Variants in ANKRD31 observed in about 807,000 individuals in gnomAD.
ANKRD31 encodes the protein ankyrin repeat domain 31, also known as ankyrin repeat domain-containing protein 31.
Under a neutral mutation model 186.0 loss-of-function variants are expected in ANKRD31, and 147 were observed. The ratio of observed to expected loss-of-function variants is 0.79; its 90% confidence interval spans 0.69 to 0.91. The LOEUF (loss-of-function observed/expected upper bound fraction) is 0.91, where lower values mean the gene tolerates loss of function less well. Ranked by LOEUF, ANKRD31 falls within the 40% of genes least tolerant of loss-of-function variation. ANKRD31 has a pLI of 0.00. For synonymous variants in ANKRD31, 673 were observed against 736.4 expected (o/e 0.91, Z 1.39); for missense variants, 1,986 against 2,148.8 (o/e 0.92, Z 1.50).
intron 7 of ANKRD31, 66 bp from the exon 8 acceptor site, chr5:75,193,657 T>A (rs2150246661): frequency 1.4e-6 from 2 of 1,423,374 alleles, no homozygotes; most frequent in East Asian, 2.5e-5. Flanking sequence ...CTATAAGAAG[T>A]TAAATTTTGT....
chr5:75,107,297 T>A (rs900533964), intron 21 of ANKRD31, among the ~76,000 whole-genome samples: 1 of 152,040 alleles, frequency 6.6e-6, no homozygotes, highest in Non-Finnish European at 1.5e-5. Flanking sequence ...CTTTTTAAGA[T>A]ACCGAAATGT....
At position 75,084,345 on chromosome 5, in the gene ANKRD31, C is replaced by T. The variant is rs373863312; in HGVS notation, c.5502G>A (p.Arg1834=). The T allele has an allele frequency of 4.3e-5, 66 of 1,536,928 alleles. No homozygotes were observed. In the African/African-American group the frequency reaches 8.4e-4, roughly 19 times the overall value. Residue 1834 remains arginine, a synonymous_variant, in exon 24 of 26, where the codon AGG becomes AGA. Transcript: ENST00000506364. ...GTATGGGTGCATCCTCAGAAACATA[C>T]CTTAAAAGCTCCTTCCCAAGATACG... ...KVTYLGKELL[R]YVSEDAPILP...
At chr5:75,139,342 C>T (rs1370634650) in intron 15 of ANKRD31, among the ~76,000 whole-genome samples, 3 of 152,122 alleles carry the variant, frequency 2.0e-5, no homozygotes, top group Middle Eastern at 3.2e-3. Context: ...TTTCTACAGC[C>T]ATTCTGTATC....
rs527757380 is a variant in ANKRD31, at chr5:75,199,539, G to T, written c.447+92C>A. On this transcript the variant is annotated intron_variant, in intron 6 of 25. Transcript: ENST00000506364. ...AAATGGTTTAGTAGATGAGGGTGAG[G>T]GTCTAAATGAGCTTGATACTTTAAT... 5.5e-4 allele frequency: 524 copies of T among 951,348 alleles called. 1 individual carries two copies. The highest frequency in any genetic ancestry group is 7.4e-4 in the Non-Finnish European group (490 of 662,108). The allele number at this position is 951,348 out of a possible 1,614,324, so 58.9% of individuals were successfully genotyped here.
chr5:75,187,019 CAGAGTGTG>C (rs1420656259), intron 10 of ANKRD31, among the ~76,000 whole-genome samples: 1 of 127,228 alleles, frequency 7.9e-6, no homozygotes, highest in African/African-American at 3.7e-5. Context: ...GTATGAGACA[CAGAGTGTG>C]TGTGTGTGTG....
intron 19 of ANKRD31, among the ~76,000 whole-genome samples, chr5:75,113,082 T>C (rs1747913126): frequency 6.6e-6 from 1 of 152,204 alleles, no homozygotes; most frequent in African/African-American, 2.4e-5. Context: ...TTGTCAGTAC[T>C]AATCTTCCTG....
chr5:75,227,369 C>T (rs1201035366), intron 2 of ANKRD31, among the ~76,000 whole-genome samples: 1 of 152,006 alleles, frequency 6.6e-6, no homozygotes, highest in Non-Finnish European at 1.5e-5. Context: ...GCTAGCACAA[C>T]AGAGTGAGTA....
chr5:75,226,050 T>C (rs763909860), intron 2 of ANKRD31, among the ~76,000 whole-genome samples: 4 of 152,166 alleles, frequency 2.6e-5, no homozygotes, highest in Non-Finnish European at 4.4e-5. Context: ...ATGGTAGTGA[T>C]GGCCATGGGG....
intron 3 of ANKRD31, among the ~76,000 whole-genome samples, chr5:75,219,315 A>C (rs1384503202): frequency 6.6e-6 from 1 of 152,200 alleles, no homozygotes; most frequent in Admixed American, 6.5e-5. Context: ...ATTGATGTAC[A>C]AAAATCAGTA....
chr5:75,144,304 T>C (rs1179787610), intron 14 of ANKRD31, 133 bp from the exon 15 acceptor site: 2 of 386,306 alleles, frequency 5.2e-6, no homozygotes, highest in East Asian at 3.7e-5. Context: ...CTTTTAAAAA[T>C]GTTTTTATGT....
chr5:75,167,253 C>T (rs1343337090), intron 11 of ANKRD31, among the ~76,000 whole-genome samples: 2 of 151,864 alleles, frequency 1.3e-5, no homozygotes, highest in Admixed American at 6.6e-5. Context: ...ACAATTAAGA[C>T]CTGTAAGATA....
intron 17 of ANKRD31, among the ~76,000 whole-genome samples, chr5:75,133,352 G>A (rs1027705934): frequency 3.3e-5 from 5 of 151,938 alleles, no homozygotes; most frequent in Non-Finnish European, 7.4e-5. Context: ...AAAAAAACAA[G>A]TATTGCAATT....
Position 75,144,151 on chromosome 5 carries a change from T to A in ANKRD31, c.3445A>T (p.Ile1149Phe). The A allele has an allele frequency of 2.5e-6, 1 of 397,310 alleles. No individual in the cohort carries two copies. The highest frequency in any genetic ancestry group is 1.3e-4 in the South Asian group (1 of 7,854). The allele number at this position is 397,310 out of a possible 1,614,324, so 24.6% of individuals were successfully genotyped here. ...CTTATAGTTATTTCATCTCCACTGA[T>A]GTTATTAGTTAATTCCTCATCTGAA... is the stretch of plus-strand genomic sequence containing the variant. ...HKPDEELTNN[I>F]SGDEITIRNC... Residue 1149 changes from isoleucine (I) to phenylalanine (F), a missense_variant, in exon 15 of 26, where the codon ATC (isoleucine) becomes TTC (phenylalanine). Coordinates refer to ENST00000506364, the MANE Select transcript of ANKRD31 (RefSeq NM_001372053.1).
intron 10 of ANKRD31, among the ~76,000 whole-genome samples, chr5:75,178,949 G>T (rs1401047714): frequency 1.3e-5 from 2 of 152,070 alleles, no homozygotes; most frequent in Non-Finnish European, 2.9e-5. Flanking sequence ...CCAGGAGCTG[G>T]TTTTTTGAAA....
intron 10 of ANKRD31, among the ~76,000 whole-genome samples, chr5:75,176,283 C>A (rs1300305120): frequency 6.6e-6 from 1 of 152,208 alleles, no homozygotes; most frequent in East Asian, 1.9e-4. Context: ...CGCCTGCCTG[C>A]CTCTGTAGGC....
At chr5:75,123,803 A>C (rs1304717614) in intron 17 of ANKRD31, among the ~76,000 whole-genome samples, 1 of 152,114 alleles carries the variant, frequency 6.6e-6, no homozygotes, top group Non-Finnish European at 1.5e-5. Context: ...CAAAGACTTA[A>C]ATTTGTGATC....
Position 75,150,381 on chromosome 5 carries a change from C to T in ANKRD31, c.1853-1753G>A, listed in dbSNP as rs1051014631. On this transcript the variant is annotated intron_variant, in intron 12 of 25. Coordinates refer to ENST00000506364, the MANE Select transcript of ANKRD31 (RefSeq NM_001372053.1). ...TTCATCTGGAACTTAAAAATGAATA[C>T]TCTGTTTTTATTTATTTAAGTGAAA... Among the ~76,000 whole-genome samples the T allele has an allele frequency of 3.9e-5, 6 of 151,918 alleles. No homozygotes were observed. The South Asian group carries it at 8.3e-4, about 21-fold the overall frequency.
chr5:75,122,033 T>C (rs1748832524), intron 17 of ANKRD31, among the ~76,000 whole-genome samples: 3 of 151,716 alleles, frequency 2.0e-5, no homozygotes, highest in Admixed American at 1.3e-4. Context: ...GAAAAGTCAG[T>C]TCTTTGAAAA....
Position 75,206,463 on chromosome 5 carries a change from G to T in ANKRD31, c.351C>A (p.Phe117Leu). ...GTCCAGACTGGCGAAACGACCCAAT[G>T]AACATTGAACAGTTTTTTCTAGTCC... ...LLQTRKNCSM[F>L]IGSFRQSGLS... The change falls in exon 5 of 26, where the codon TTC becomes TTA. Residue 117 changes from phenylalanine (F) to leucine (L), a missense_variant. Phe to Leu is a conservative substitution (Grantham distance 22). Transcript: ENST00000506364. 1 of 1,458,106 alleles carries T rather than the reference G, an allele frequency of 6.9e-7. No individual in the cohort carries two copies. The highest frequency in any genetic ancestry group is 1.5e-5 in the South Asian group (1 of 68,916). 90.3% of individuals were successfully genotyped at this position (1,458,106 alleles called of 1,614,324 possible).
Sources: allele counts gnomAD v4.1 joint callset (sites outside exome capture counted in the v4.1 genomes callset), GRCh38; gene constraint gnomAD v4.1.1; transcripts MANE v1.5; gene names NCBI Gene and HGNC (gene_info 2026-07-23, HGNC 2026-07-21).